Variants in MRTFA observed in about 807,000 individuals in gnomAD.
MRTFA encodes myocardin-related transcription factor A.
Under a neutral mutation model 83.5 loss-of-function variants are expected in MRTFA, and 20 were observed. The ratio of observed to expected loss-of-function variants is 0.24; its 90% CI spans 0.17 to 0.35. MRTFA has a LOEUF of 0.35. MRTFA is among the 10% of genes least tolerant of loss of function. The pLI is 1.00. For missense variants in MRTFA, 1,200 were observed against 1,224.7 expected, an observed-to-expected ratio of 0.98 and a Z score of 0.30; for synonymous variants, 659 against 541.2, an observed-to-expected ratio of 1.22 and a Z score of -3.02.
chr22:40,625,016 T>G (rs533655783), intron 1 of MRTFA, among the ~76,000 whole-genome samples: 1 of 152,206 alleles, frequency 6.6e-6, no homozygotes, highest in Non-Finnish European at 1.5e-5. Flanking sequence ...CATAACATCC[T>G]ATGAACTTCT....
In MRTFA at chr22:40,429,352, A is replaced by G. The variant is rs1602228008; in HGVS notation, c.601+254T>C. The G allele has an allele frequency of 2.1e-5, 13 of 625,762 alleles. No individual in the cohort carries two copies. In the East Asian group the frequency reaches 3.3e-4, roughly 16 times the overall value. The allele number at this position is 625,762 out of a possible 1,614,324, so 38.8% of individuals were successfully genotyped here. A position where few individuals can be genotyped will look rare whatever the true frequency, so the allele number is the denominator to read the frequency against. ...AAGCAACCCGAGTTTACAAAGATGG[A>G]AAGTGAACAGAGCAAGGCCTCTGTT... is the stretch of plus-strand genomic sequence containing the variant. On this transcript the variant is annotated intron_variant, in intron 7 of 14. Transcript: ENST00000355630.
intron 1 of MRTFA, among the ~76,000 whole-genome samples, chr22:40,624,623 T>C (rs1310940517): frequency 6.6e-6 from 1 of 152,056 alleles, no homozygotes; most frequent in Non-Finnish European, 1.5e-5. Flanking sequence ...GAATCCCTGC[T>C]CTAGAAAGCG....
intron 1 of MRTFA, among the ~76,000 whole-genome samples, chr22:40,616,794 T>A (rs1166280051): frequency 6.6e-6 from 1 of 151,926 alleles, no homozygotes; most frequent in African/African-American, 2.4e-5. Context: ...AGAAAGTGAC[T>A]AACATTCAAA....
chr22:40,417,023 C>T lies in MRTFA; in HGVS notation c.2541G>A (p.Gln847=). The change falls in exon 14 of 15, where the codon CAG becomes CAA. Residue 847 remains glutamine, a synonymous_variant. Coordinates refer to ENST00000355630, the MANE Select transcript of MRTFA (RefSeq NM_020831.6). ...TGAGAATGTCAAACAGGTCGTCCAT[C>T]TGCTGGCTTGAGGAACCATTTTCCT... 6.3e-7 allele frequency: 1 copy of T among 1,597,354 alleles called. No homozygotes were observed. Among genetic ancestry groups the T allele is most frequent in the Non-Finnish European group, 8.5e-7 (1 of 1,172,034 alleles).
chr22:40,518,230 A>G (rs1333736015), intron 3 of MRTFA, among the ~76,000 whole-genome samples: 1 of 152,074 alleles, frequency 6.6e-6, no homozygotes, highest in Non-Finnish European at 1.5e-5. Context: ...TTTGTAGCCA[A>G]CTCAGACAGA....
At chr22:40,576,810 G>T (rs908597539) in intron 2 of MRTFA, among the ~76,000 whole-genome samples, 1 of 152,158 alleles carries the variant, frequency 6.6e-6, no homozygotes, top group Non-Finnish European at 1.5e-5. Flanking sequence ...GCCGGGCATG[G>T]TGGCTCACAC....
At chr22:40,546,537 G>C (rs889947246) in intron 3 of MRTFA, among the ~76,000 whole-genome samples, 3 of 152,156 alleles carry the variant, frequency 2.0e-5, no homozygotes, top group Non-Finnish European at 4.4e-5. Context: ...GCAACAAAAA[G>C]AACACAAATT....
At chr22:40,584,922 G>A (rs573175683) in intron 2 of MRTFA, among the ~76,000 whole-genome samples, 1 of 152,200 alleles carries the variant, frequency 6.6e-6, no homozygotes, top group African/African-American at 2.4e-5. Context: ...GCGCACGCCT[G>A]TAGTCCCAGC....
At chr22:40,436,644 C>T (rs1209148252) in intron 4 of MRTFA, among the ~76,000 whole-genome samples, 3 of 152,164 alleles carry the variant, frequency 2.0e-5, no homozygotes, top group African/African-American at 7.2e-5. Flanking sequence ...TTGTCAAAAA[C>T]TTGGCTGTAA....
chr22:40,535,827 G>A (rs148985867), intron 3 of MRTFA, among the ~76,000 whole-genome samples: 150 of 152,244 alleles, frequency 9.9e-4, no homozygotes, highest in Non-Finnish European at 1.8e-3. Flanking sequence ...CCATAGAAGA[G>A]AGCATGTAAT....
At chr22:40,593,636 C>G (rs964117824) in intron 2 of MRTFA, among the ~76,000 whole-genome samples, 6 of 152,160 alleles carry the variant, frequency 3.9e-5, no homozygotes, top group Non-Finnish European at 8.8e-5. Flanking sequence ...TAGACAGCAG[C>G]GTCAATTCCA....
chr22:40,410,416 C>T lies in MRTFA; in HGVS notation c.*974G>A, dbSNP rs919461218. 8.5e-6 allele frequency: 2 copies of T among 235,162 alleles called. No individual in the cohort carries two copies. The highest frequency in any genetic ancestry group is 1.7e-5 in the Non-Finnish European group (2 of 119,532). 14.6% of individuals were successfully genotyped at this position (235,162 alleles called of 1,614,324 possible). On this transcript the variant is annotated 3_prime_UTR_variant, in exon 15 of 15. Coordinates refer to ENST00000355630, the MANE Select transcript of MRTFA (RefSeq NM_020831.6). ...GAATGTGAAGCCAGTGGCCCCAGGG[C>T]AGGAGATGGCCACCCCTCAGCCCCA... is the stretch of plus-strand genomic sequence containing the variant.
At chr22:40,535,750 G>C (rs1047327056) in intron 3 of MRTFA, among the ~76,000 whole-genome samples, 3 of 152,146 alleles carry the variant, frequency 2.0e-5, no homozygotes, top group East Asian at 1.9e-4. Flanking sequence ...TAAACTTTAA[G>C]ATTCCTGCAC....
At chr22:40,548,074 G>C (rs946557830) in intron 3 of MRTFA, among the ~76,000 whole-genome samples, 10 of 151,950 alleles carry the variant, frequency 6.6e-5, no homozygotes. Context: ...AGGGCAACAG[G>C]GCACAGTGGC....
intron 14 of MRTFA, among the ~76,000 whole-genome samples, chr22:40,413,432 C>G (rs1399056876): frequency 2.6e-5 from 4 of 151,690 alleles, no homozygotes; most frequent in African/African-American, 9.7e-5. Flanking sequence ...CTCCGCCTCC[C>G]GTTTTCAAGC....
chr22:40,539,805 G>A (rs948397419), intron 3 of MRTFA, among the ~76,000 whole-genome samples: 14 of 151,744 alleles, frequency 9.2e-5, no homozygotes, highest in Non-Finnish European at 1.3e-4. Context: ...CCCAGCCGAC[G>A]ACAACTATTT....
intron 4 of MRTFA, among the ~76,000 whole-genome samples, chr22:40,449,576 A>T (rs2053449624): frequency 2.0e-5 from 3 of 152,234 alleles, no homozygotes; most frequent in Non-Finnish European, 4.4e-5. Context: ...AAGCCACTAA[A>T]TTCGGAAAAC....
intron 2 of MRTFA, among the ~76,000 whole-genome samples, chr22:40,589,581 T>A (rs1243956494): frequency 6.6e-6 from 1 of 152,108 alleles, no homozygotes; most frequent in South Asian, 2.1e-4. Flanking sequence ...CTGAAAACTA[T>A]GAAAAATGTT....
intron 2 of MRTFA, among the ~76,000 whole-genome samples, chr22:40,566,923 A>C (rs1026009518): frequency 6.6e-6 from 1 of 152,088 alleles, no homozygotes. Flanking sequence ...GTGCCACCTG[A>C]CTCTGAGTTT....
Sources: gnomAD v4.1 joint callset for allele counts (sites outside exome capture counted in the v4.1 genomes callset) on GRCh38, gnomAD v4.1.1 for gene constraint, MANE v1.5 for transcripts, NCBI Gene and HGNC (gene_info 2026-07-23, HGNC 2026-07-21) for gene names.